Variants in CD47 observed in about 807,000 individuals in gnomAD.
CD47 encodes the protein CD47 molecule, also known as leukocyte surface antigen CD47.
Under a neutral mutation model 44.6 loss-of-function variants are expected in CD47, and 11 were observed. That is an observed-to-expected ratio of 0.25 (90% CI 0.16 to 0.41). The LOEUF is 0.41. CD47 is among the 10% of genes least tolerant of loss of function. The pLI, the probability that CD47 is intolerant of heterozygous loss-of-function variation, is 1.00. For missense variants in CD47, 306 were observed against 386.7 expected (o/e 0.79, Z 1.75); for synonymous variants, 140 against 136.3 (o/e 1.03, Z -0.19).
rs749757296 is a variant in CD47 at position 108,060,869 on chromosome 3, A to G, written c.491-17T>C. The G allele has an allele frequency of 1.1e-5, 17 of 1,522,166 alleles. 1 individual carries two copies. The Admixed American group carries it at 2.7e-4, about 24-fold the overall frequency. The allele number at this position is 1,522,166 out of a possible 1,614,324, so 94.3% of individuals were successfully genotyped here. On this transcript the variant is annotated splice_polypyrimidine_tract_variant and intron_variant, in intron 3 of 10. Coordinates refer to ENST00000361309, the MANE Select transcript of CD47 (RefSeq NM_001777.4). ...ATTTAAGTGCTTAAAAAAGAAAAAC[A>G]AAGAATTATATGAACTCAATCACAA... is the stretch of plus-strand genomic sequence containing the variant.
intron 3 of CD47, among the ~76,000 whole-genome samples, chr3:108,065,002 G>A (rs893253653): frequency 1.3e-5 from 2 of 151,978 alleles, no homozygotes; most frequent in African/African-American, 4.8e-5. Context: ...ACACACACAT[G>A]CATACACAAA....
rs1463795808 is a variant in CD47 at position 108,073,579 on chromosome 3, A to T, written c.401-2397T>A. On this transcript the variant is annotated intron_variant, in intron 2 of 10. Coordinates refer to ENST00000361309, the MANE Select transcript of CD47 (RefSeq NM_001777.4). ...AAGGAACGGCAACTTTGAGAAACCA[A>T]AGGATGGCCATTGTGACTGGAATTC... is the stretch of plus-strand genomic sequence containing the variant. 9.2e-5 allele frequency among the ~76,000 whole-genome samples: 14 copies of T among 152,304 alleles called. No individual in the cohort carries two copies. The East Asian group carries it at 2.7e-3, about 29-fold the overall frequency.
At chr3:108,089,913 T>G (rs2108279026) in intron 1 of CD47, among the ~76,000 whole-genome samples, 1 of 147,172 alleles carries the variant, frequency 6.8e-6, no homozygotes, top group South Asian at 2.1e-4. Flanking sequence ...GCACTCACTG[T>G]AGAGCTACGA....
chr3:108,062,695 T>G (rs1031979524), intron 3 of CD47, among the ~76,000 whole-genome samples: 10 of 150,944 alleles, frequency 6.6e-5, no homozygotes, highest in Non-Finnish European at 1.3e-4. Context: ...CAGGCTGGAG[T>G]GCAGTGGCAC....
At chr3:108,055,600 T>G in intron 7 of CD47, 1 of 1,217,734 alleles carries the variant, frequency 8.2e-7, no homozygotes, top group South Asian at 1.3e-5. Context: ...AAAAGTTAAT[T>G]TAGGATACTA....
intron 3 of CD47, among the ~76,000 whole-genome samples, chr3:108,061,758 A>G (rs774825591): frequency 2.3e-4 from 35 of 152,354 alleles, no homozygotes; most frequent in Non-Finnish European, 3.8e-4. Context: ...CAAACTGAGT[A>G]GCGGAAAGAA....
At chr3:108,050,332 G>T (rs2078804517) in intron 9 of CD47, among the ~76,000 whole-genome samples, 1 of 152,124 alleles carries the variant, frequency 6.6e-6, no homozygotes, top group Non-Finnish European at 1.5e-5. Context: ...TGGCCAGGAT[G>T]GTCTCAATCT....
At chr3:108,058,176 T>C (rs1044597348) in intron 6 of CD47, among the ~76,000 whole-genome samples, 161 bp downstream of exon 6, 4 of 151,912 alleles carry the variant, frequency 2.6e-5, no homozygotes, top group Admixed American at 1.3e-4. Flanking sequence ...AAAATATCCA[T>C]GTGAATGTAC....
Position 108,065,559 on chromosome 3 carries a change from T to TCTCA in CD47, c.491-4711_491-4708dup, listed in dbSNP as rs534192935. 2.2e-4 allele frequency among the ~76,000 whole-genome samples: 34 copies of TCTCA among 152,256 alleles called. No individual in the cohort carries two copies. The South Asian group carries it at 6.8e-3, about 31-fold the overall frequency. ...CATGCATGGTGGCTAATGCCTGTAA[T>TCTCA]CTCAGCACTTTGGGAGGCCGAGACA... On this transcript the variant is annotated intron_variant, in intron 3 of 10. Coordinates refer to ENST00000361309, the MANE Select transcript of CD47 (RefSeq NM_001777.4).
rs1018098118 is a variant in CD47, at chr3:108,063,542, T to C, written c.491-2690A>G. ...AAGGAATTTGATATAATAGATGCCA[T>C]AGAACCCAATAACCTCAAGGATCTC... is the stretch of plus-strand genomic sequence containing the variant. On this transcript the variant is annotated intron_variant, in intron 3 of 10. Transcript: ENST00000361309. Among the ~76,000 whole-genome samples the C allele has an allele frequency of 7.2e-5, 11 of 152,320 alleles. No individual in the cohort carries two copies. The East Asian group carries it at 1.9e-3, about 27-fold the overall frequency.
chr3:108,081,002 G>A (rs2079407715), intron 1 of CD47, among the ~76,000 whole-genome samples: 1 of 151,694 alleles, frequency 6.6e-6, no homozygotes, highest in African/African-American at 2.4e-5. Flanking sequence ...TAGACATTTT[G>A]TATGGGAGTC....
chr3:108,051,793 C>T, intron 8 of CD47, 146 bp downstream of exon 8: 1 of 717,354 alleles, frequency 1.4e-6, no homozygotes, highest in Non-Finnish European at 2.6e-6. Flanking sequence ...GAACTGGACC[C>T]ATTCATGCAA....
At chr3:108,074,831 A>G (rs2079278348) in intron 2 of CD47, among the ~76,000 whole-genome samples, 1 of 151,882 alleles carries the variant, frequency 6.6e-6, no homozygotes, top group Non-Finnish European at 1.5e-5. Flanking sequence ...TCCTCTCTCT[A>G]ATTTGTTACA....
In CD47 at chr3:108,044,830, T is replaced by C. The variant is rs1408907518; in HGVS notation, c.*2458A>G. On this transcript the variant is annotated 3_prime_UTR_variant, in exon 11 of 11. Coordinates refer to ENST00000361309, the MANE Select transcript of CD47 (RefSeq NM_001777.4). ...TGCAGAAAAGGACAAATGGTGTCACTGTGAGAACACACAATAAATAAAACT... is the reference window on the plus strand; with the variant it reads ...TGCAGAAAAGGACAAATGGTGTCACCGTGAGAACACACAATAAATAAAACT... 1.3e-5 allele frequency: 2 copies of C among 152,598 alleles called. No homozygotes were observed. The highest frequency in any genetic ancestry group is 2.4e-5 in the African/African-American group (1 of 41,456). 9.5% of individuals were successfully genotyped at this position (152,598 alleles called of 1,614,324 possible). A position where few individuals can be genotyped will look rare whatever the true frequency, so the allele number is the denominator to read the frequency against.
chr3:108,084,149 A>T (rs2079471950), intron 1 of CD47, among the ~76,000 whole-genome samples: 1 of 151,866 alleles, frequency 6.6e-6, no homozygotes. Flanking sequence ...ATCTATAAGC[A>T]TTTCCTCACT....
chr3:108,063,026 C>T (rs1411323883), intron 3 of CD47, among the ~76,000 whole-genome samples: 1 of 152,070 alleles, frequency 6.6e-6, no homozygotes, highest in East Asian at 1.9e-4. Context: ...CTTAGAAGAG[C>T]TGTTATAGGA....
At chr3:108,054,814 G>A (rs917806302) in intron 7 of CD47, 3 of 152,200 alleles carry the variant, frequency 2.0e-5, no homozygotes, top group Admixed American at 6.5e-5. Context: ...TATCTGGGAT[G>A]TTGTGGTAAA....
intron 4 of CD47, among the ~76,000 whole-genome samples, chr3:108,060,280 T>A (rs988073873): frequency 1.3e-5 from 2 of 152,158 alleles, no homozygotes; most frequent in Non-Finnish European, 2.9e-5. Context: ...GCAAAAGATA[T>A]GATGAAGTTA....
intron 2 of CD47, among the ~76,000 whole-genome samples, chr3:108,075,921 C>T (rs1233231188): frequency 6.6e-6 from 1 of 152,134 alleles, no homozygotes; most frequent in African/African-American, 2.4e-5. Context: ...TGCAAGGGGC[C>T]ATGGGGCAAG....
Sources: allele counts gnomAD v4.1 joint callset (sites outside exome capture counted in the v4.1 genomes callset), GRCh38; gene constraint gnomAD v4.1.1; transcripts MANE v1.5; gene names NCBI Gene and HGNC (gene_info 2026-07-23, HGNC 2026-07-21).